CTNNA3: variants seen among roughly 807,000 people sequenced by gnomAD.
CTNNA3 encodes the protein catenin alpha 3.
Under a neutral mutation model 95.7 loss-of-function variants are expected in CTNNA3, and 76 were observed. The observed-to-expected ratio is 0.79, with a 90% CI of 0.66 to 0.96. The LOEUF is 0.96. Ranked by LOEUF, CTNNA3 falls within the 40% of genes least tolerant of loss-of-function variation. The probability of loss-of-function intolerance (pLI) is 0.00; values close to 1 mark genes in which losing one functional copy is unlikely to be tolerated. For missense variants in CTNNA3, 1,191 were observed against 1,089.8 expected, an observed-to-expected ratio of 1.09 and a Z score of -1.31; for synonymous variants, 431 against 374.4, an observed-to-expected ratio of 1.15 and a Z score of -1.74.
chr10:66,928,479 T>C (rs1298766970), intron 7 of CTNNA3: 2 of 1,549,210 alleles, frequency 1.3e-6, no homozygotes, highest in African/African-American at 2.8e-5. Flanking sequence ...TAAAAAGAGC[T>C]CTTAAAAGCT....
At chr10:67,612,239 G>A (rs950443452) in intron 2 of CTNNA3, among the ~76,000 whole-genome samples, 1 of 151,970 alleles carries the variant, frequency 6.6e-6, no homozygotes, top group African/African-American at 2.4e-5. Context: ...TAGGCATTCA[G>A]GAAATAAATA....
intron 13 of CTNNA3, among the ~76,000 whole-genome samples, chr10:66,157,796 AG>A (rs2084622526): frequency 6.6e-6 from 1 of 151,978 alleles, no homozygotes; most frequent in Admixed American, 6.6e-5. Flanking sequence ...GCAGTGTAGA[AG>A]TGTTCCCTGA....
At chr10:67,579,637 C>T (rs529734170) in intron 3 of CTNNA3, among the ~76,000 whole-genome samples, 14 of 152,322 alleles carry the variant, frequency 9.2e-5, no homozygotes, top group East Asian at 1.9e-4. Flanking sequence ...ACACTGTCTT[C>T]GACAATGGTT....
intron 7 of CTNNA3, among the ~76,000 whole-genome samples, chr10:66,856,328 C>T (rs891953111): frequency 2.0e-5 from 3 of 151,994 alleles, no homozygotes; most frequent in Non-Finnish European, 1.5e-5. Flanking sequence ...CACTGATGGG[C>T]GTTTAGGTTG....
intron 5 of CTNNA3, among the ~76,000 whole-genome samples, chr10:67,377,553 G>T (rs763388179): frequency 6.6e-6 from 1 of 152,128 alleles, no homozygotes; most frequent in African/African-American, 2.4e-5. Flanking sequence ...GGGATAAATT[G>T]TTTTAAATTT....
At chr10:66,287,663 T>C (rs1365629602) in intron 12 of CTNNA3, among the ~76,000 whole-genome samples, 1 of 152,088 alleles carries the variant, frequency 6.6e-6, no homozygotes, top group African/African-American at 2.4e-5. Flanking sequence ...AAAGGCTAGA[T>C]ACCAAAGGAA....
At position 66,008,830 on chromosome 10, in the gene CTNNA3, G is replaced by A. The variant is rs187397367; in HGVS notation, c.2160-20033C>T. On this transcript the variant is annotated intron_variant, in intron 15 of 17. Transcript: ENST00000433211. ...CAAATCTGTACTTCAGGCCGGGTGC[G>A]GTGGCTCACACCTGTAATCCCAGCA... Among the ~76,000 whole-genome samples, 1,429 of 152,150 alleles carry A rather than the reference G, an allele frequency of 9.4e-3. 13 individuals carry two copies. The highest frequency in any genetic ancestry group is 0.014 in the Non-Finnish European group (927 of 68,000).
chr10:67,614,021 C>T (rs375311082), intron 2 of CTNNA3, among the ~76,000 whole-genome samples: 11 of 152,120 alleles, frequency 7.2e-5, no homozygotes, highest in Admixed American at 2.6e-4. Context: ...TATTTTGAAG[C>T]GTGAAAGAAC....
At chr10:67,580,166 T>A (rs1340708765) in intron 3 of CTNNA3, among the ~76,000 whole-genome samples, 2 of 152,242 alleles carry the variant, frequency 1.3e-5, no homozygotes, top group Admixed American at 1.3e-4. Flanking sequence ...TAGGTTTTCT[T>A]CTAGGGCTCT....
chr10:67,209,946 T>C lies in CTNNA3; in HGVS notation c.843+9661A>G, dbSNP rs184552459. On this transcript the variant is annotated intron_variant, in intron 6 of 17. Coordinates refer to ENST00000433211, the MANE Select transcript of CTNNA3 (RefSeq NM_013266.4). The stretch of plus-strand genomic sequence containing the variant: ...AAAGAGAGACTAAAAATTAACTCAA[T>C]AAATATATTCAAGATATTATAAAAG... Among the ~76,000 whole-genome samples, 102 of 152,054 alleles carry C rather than the reference T, an allele frequency of 6.7e-4. 1 individual carries two copies. Among genetic ancestry groups the C allele is most frequent in the East Asian group, 4.8e-3 (25 of 5,190 alleles).
At chr10:66,764,277 T>G (rs1030963113) in intron 9 of CTNNA3, among the ~76,000 whole-genome samples, 1 of 152,188 alleles carries the variant, frequency 6.6e-6, no homozygotes, top group Non-Finnish European at 1.5e-5. Flanking sequence ...TTCTTGAACT[T>G]TAAAACAAAT....
intron 1 of CTNNA3, among the ~76,000 whole-genome samples, chr10:67,705,620 G>T (rs1841073557): frequency 8.2e-6 from 1 of 122,014 alleles, no homozygotes; most frequent in Admixed American, 1.0e-4. Flanking sequence ...ACACTCTGGG[G>T]ACTGTTGTGG....
chr10:67,366,603 T>G (rs187128959), intron 5 of CTNNA3, among the ~76,000 whole-genome samples: 2 of 151,710 alleles, frequency 1.3e-5, no homozygotes, highest in African/African-American at 4.8e-5. Context: ...ATCCTGCCAC[T>G]GCACTCCAGC....
At chr10:67,666,046 T>C (rs957517131) in intron 1 of CTNNA3, among the ~76,000 whole-genome samples, 3 of 152,162 alleles carry the variant, frequency 2.0e-5, no homozygotes, top group East Asian at 3.8e-4. Context: ...AATCAGGCTA[T>C]CCACAGAAAA....
intron 7 of CTNNA3, among the ~76,000 whole-genome samples, chr10:66,984,602 C>T (rs1850625630): frequency 6.6e-6 from 1 of 152,130 alleles, no homozygotes; most frequent in Non-Finnish European, 1.5e-5. Context: ...TCAATGCGTT[C>T]ATGATTCCTT....
intron 9 of CTNNA3, among the ~76,000 whole-genome samples, chr10:66,732,798 T>C (rs1236252575): frequency 6.6e-6 from 1 of 151,954 alleles, no homozygotes; most frequent in East Asian, 1.9e-4. Context: ...GTCATACCTT[T>C]TCTTTTTTTT....
At chr10:66,565,686 C>T (rs533170983) in intron 10 of CTNNA3, among the ~76,000 whole-genome samples, 2 of 152,210 alleles carry the variant, frequency 1.3e-5, no homozygotes, top group South Asian at 4.2e-4. Context: ...TCTGTTTTAG[C>T]GACATAAACT....
At chr10:66,084,346 C>T (rs1426510950) in intron 14 of CTNNA3, among the ~76,000 whole-genome samples, 1 of 151,650 alleles carries the variant, frequency 6.6e-6, no homozygotes, top group Admixed American at 6.6e-5. Context: ...AATTCATGTA[C>T]TCCATAAATA....
chr10:67,137,601 A>C (rs960851049), intron 7 of CTNNA3, among the ~76,000 whole-genome samples: 15 of 152,176 alleles, frequency 9.9e-5, no homozygotes, highest in African/African-American at 3.6e-4. Flanking sequence ...AAATTGTCTC[A>C]TTCTCACAAC....
Sources: allele counts gnomAD v4.1 joint callset (sites outside exome capture counted in the v4.1 genomes callset), GRCh38; gene constraint gnomAD v4.1.1; transcripts MANE v1.5; gene names NCBI Gene and HGNC (gene_info 2026-07-23, HGNC 2026-07-21).